The following EBF1 variants were observed in gnomAD, a reference collection of about 807,000 sequenced individuals.
EBF1 encodes EBF transcription factor 1.
In EBF1, 10 loss-of-function variants were observed where a neutral mutation model predicts 68.4. The ratio of observed to expected loss-of-function variants is 0.15; its 90% CI spans 0.09 to 0.25. The LOEUF is 0.25. Among genes scored for constraint, EBF1 ranks in the 10% least tolerant of loss-of-function variants. EBF1 has a pLI of 1.00. For synonymous variants in EBF1, 298 were observed against 299.8 expected (o/e 0.99, Z 0.06); for missense variants, 509 against 794.4 (o/e 0.64, Z 4.32).
intron 6 of EBF1, among the ~76,000 whole-genome samples, chr5:158,906,550 C>T (rs750931414): frequency 3.3e-5 from 5 of 152,180 alleles, no homozygotes; most frequent in Non-Finnish European, 5.9e-5. Context: ...AGCTTACACA[C>T]GTCTCATACT....
rs73297941 is a variant in EBF1 at position 158,812,329 on chromosome 5, C to T, written c.778+10847G>A. On this transcript the variant is annotated intron_variant, in intron 8 of 15. Coordinates refer to ENST00000313708, the MANE Select transcript of EBF1 (RefSeq NM_024007.5). ...AAGTTATTAACAATTGCCACTACAC[C>T]CACAATGGGCTTCTTAGGTTGACAA... Among the ~76,000 whole-genome samples the T allele has an allele frequency of 8.8e-3, 1,340 of 152,236 alleles. 17 individuals are homozygous for T. Among genetic ancestry groups the T allele is most frequent in the African/African-American group, 0.03 (1,262 of 41,552 alleles).
chr5:159,040,426 TC>T (rs2127773287), intron 6 of EBF1, among the ~76,000 whole-genome samples: 1 of 152,308 alleles, frequency 6.6e-6, no homozygotes, highest in East Asian at 1.9e-4. Context: ...CCCTTTTTCT[TC>T]TTCTGAAGCT....
chr5:158,979,884 A>T (rs1184219088), intron 6 of EBF1, among the ~76,000 whole-genome samples: 1 of 152,148 alleles, frequency 6.6e-6, no homozygotes, highest in Non-Finnish European at 1.5e-5. Context: ...TGGTGCCCAA[A>T]ATGCAAAGGT....
At chr5:158,895,230 C>T (rs904394806) in intron 6 of EBF1, among the ~76,000 whole-genome samples, 2 of 152,088 alleles carry the variant, frequency 1.3e-5, no homozygotes, top group Non-Finnish European at 2.9e-5. Flanking sequence ...GCACAGAGTA[C>T]TCAGTACAGC....
At chr5:158,860,178 A>G (rs182860013) in intron 6 of EBF1, among the ~76,000 whole-genome samples, 1 of 152,326 alleles carries the variant, frequency 6.6e-6, no homozygotes, top group East Asian at 1.9e-4. Context: ...AGTGCTTACT[A>G]TGTGCAAGGT....
At chr5:159,018,314 T>C (rs574145377) in intron 6 of EBF1, among the ~76,000 whole-genome samples, 16 of 152,336 alleles carry the variant, frequency 1.1e-4, no homozygotes, top group Non-Finnish European at 2.2e-4. Context: ...AGTTAGTGTC[T>C]CAAGTCAGGG....
intron 6 of EBF1, among the ~76,000 whole-genome samples, chr5:158,932,218 A>T (rs987042550): frequency 1.7e-4 from 26 of 152,236 alleles, no homozygotes; most frequent in Non-Finnish European, 1.5e-5. Flanking sequence ...CATTATTTAT[A>T]AAAATGAAAA....
chr5:158,823,070 T>A, intron 8 of EBF1, 106 bp downstream of exon 8: 1 of 1,518,064 alleles, frequency 6.6e-7, no homozygotes, highest in Non-Finnish European at 9.1e-7. Flanking sequence ...TCAAAAAGAC[T>A]TTTGAAATTT....
intron 5 of EBF1, 100 bp downstream of exon 5, chr5:159,084,566 T>C: frequency 1.0e-6 from 1 of 970,500 alleles, no homozygotes; most frequent in South Asian, 2.3e-5. Flanking sequence ...AAGACAAATG[T>C]GTACCAAAAA....
intron 6 of EBF1, among the ~76,000 whole-genome samples, chr5:158,873,834 C>T (rs899012376): frequency 1.3e-5 from 2 of 152,268 alleles, no homozygotes; most frequent in East Asian, 3.9e-4. Flanking sequence ...CTACAGGTAC[C>T]ACTTAAAAGC....
At chr5:159,047,810 T>C (rs1772733336) in intron 6 of EBF1, among the ~76,000 whole-genome samples, 2 of 152,120 alleles carry the variant, frequency 1.3e-5, no homozygotes, top group African/African-American at 4.8e-5. Context: ...TTTCCAAAAC[T>C]TTTAGTAAAT....
intron 15 of EBF1, among the ~76,000 whole-genome samples, chr5:158,703,758 G>T (rs1384239666): frequency 6.6e-6 from 1 of 152,122 alleles, no homozygotes; most frequent in African/African-American, 2.4e-5. Flanking sequence ...CTTGGCTAAG[G>T]TTGTCCTCAG....
chr5:159,000,447 T>C (rs1762312651), intron 6 of EBF1, among the ~76,000 whole-genome samples: 1 of 151,164 alleles, frequency 6.6e-6, no homozygotes, highest in South Asian at 2.1e-4. Context: ...AGTTATTTTC[T>C]GTTTTGTTTT....
intron 8 of EBF1, among the ~76,000 whole-genome samples, chr5:158,808,559 G>T (rs1782013095): frequency 6.6e-6 from 1 of 152,110 alleles, no homozygotes; most frequent in African/African-American, 2.4e-5. Context: ...TACCAGCTTG[G>T]GCAAATTACT....
chr5:158,838,005 C>T (rs1251308786), intron 7 of EBF1, among the ~76,000 whole-genome samples: 1 of 152,198 alleles, frequency 6.6e-6, no homozygotes, highest in Non-Finnish European at 1.5e-5. Context: ...CCCTAAGCAA[C>T]ACACACTTAG....
At chr5:158,968,668 A>G (rs1754679767) in intron 6 of EBF1, among the ~76,000 whole-genome samples, 1 of 152,244 alleles carries the variant, frequency 6.6e-6, no homozygotes, top group Non-Finnish European at 1.5e-5. Flanking sequence ...ACTGAAAAAG[A>G]GAAGGGGCCT....
At chr5:158,813,394 A>C (rs1224545862) in intron 8 of EBF1, among the ~76,000 whole-genome samples, 1 of 152,200 alleles carries the variant, frequency 6.6e-6, no homozygotes, top group Non-Finnish European at 1.5e-5. Context: ...ACACCTTCCC[A>C]GCTGAAGAAA....
chr5:158,907,110 C>T (rs895319991), intron 6 of EBF1, among the ~76,000 whole-genome samples: 2 of 152,160 alleles, frequency 1.3e-5, no homozygotes, highest in Admixed American at 1.3e-4. Flanking sequence ...GTTGGTCAGA[C>T]TAAAAGTAAT....
At chr5:159,084,780 G>T in intron 4 of EBF1, 41 bp from the exon 5 acceptor site, 8 of 1,413,326 alleles carry the variant, frequency 5.7e-6, no homozygotes, top group Non-Finnish European at 6.7e-6. Context: ...ATGGAAAGGA[G>T]TAGCAGAAAA....
Sources: allele counts gnomAD v4.1 joint callset (sites outside exome capture counted in the v4.1 genomes callset), GRCh38; gene constraint gnomAD v4.1.1; transcripts MANE v1.5; gene names NCBI Gene and HGNC (gene_info 2026-07-23, HGNC 2026-07-21).